Variants in RBFOX1 observed in about 807,000 individuals in gnomAD.
RBFOX1 encodes RNA binding fox-1 homolog 1, also known as RNA binding protein fox-1 homolog 1.
A neutral mutation model predicts 57.7 loss-of-function variants in RBFOX1; 8 were observed. The observed-to-expected ratio is 0.14, with a 90% CI of 0.08 to 0.25. The LOEUF is 0.25. Ranked by LOEUF, RBFOX1 falls within the 10% of genes least tolerant of loss-of-function variation. The probability of loss-of-function intolerance (pLI) is 1.00; values close to 1 mark genes in which losing one functional copy is unlikely to be tolerated. For synonymous variants in RBFOX1, 326 were observed against 222.4 expected, an observed-to-expected ratio of 1.47 and a Z score of -4.15; for missense variants, 611 against 548.5, an observed-to-expected ratio of 1.11 and a Z score of -1.14.
intron 4 of RBFOX1, among the ~76,000 whole-genome samples, chr16:7,305,372 C>G (rs1016985662): frequency 6.6e-6 from 1 of 152,098 alleles, no homozygotes; most frequent in African/African-American, 2.4e-5. Flanking sequence ...TGTAGGGTGA[C>G]AGGCCAGCTC....
intron 4 of RBFOX1, among the ~76,000 whole-genome samples, chr16:5,872,035 A>T (rs757067737): frequency 6.6e-6 from 1 of 152,162 alleles, no homozygotes; most frequent in Non-Finnish European, 1.5e-5. Flanking sequence ...TAGGCCTAGG[A>T]ATCATTTATT....
At chr16:6,175,299 C>A (rs546310593) in intron 1 of RBFOX1, among the ~76,000 whole-genome samples, 1 of 152,186 alleles carries the variant, frequency 6.6e-6, no homozygotes, top group South Asian at 2.1e-4. Flanking sequence ...ACACATTGTC[C>A]ACAAAAGATG....
Position 7,216,457 on chromosome 16 carries a change from C to G in RBFOX1, c.27+164359C>G, listed in dbSNP as rs548602740. On this transcript the variant is annotated intron_variant, in intron 4 of 15. Transcript: ENST00000550418. ...ATTGCTTGAGACCGAAAGTTCTAGA[C>G]CAGTCTGGGAGTCAGAGTGAGACCT... 3.9e-5 allele frequency among the ~76,000 whole-genome samples: 6 copies of G among 152,200 alleles called. No homozygotes were observed. The East Asian group carries it at 7.8e-4, about 20-fold the overall frequency.
intron 3 of RBFOX1, among the ~76,000 whole-genome samples, chr16:6,760,266 G>A (rs1049937829): frequency 6.6e-6 from 1 of 152,128 alleles, no homozygotes; most frequent in South Asian, 2.1e-4. Flanking sequence ...GGTTTAAAAA[G>A]GCAATTGCTT....
intron 1 of RBFOX1, among the ~76,000 whole-genome samples, chr16:6,292,312 A>T (rs73521157): frequency 0.14 from 20,673 of 151,882 alleles, 1,706 homozygotes; most frequent in Non-Finnish European, 0.17. Flanking sequence ...TCCCACATCC[A>T]ACTGTCTGGT....
intron 4 of RBFOX1, among the ~76,000 whole-genome samples, chr16:7,461,249 C>T (rs752563664): frequency 5.9e-5 from 9 of 151,952 alleles, no homozygotes; most frequent in Middle Eastern, 3.4e-3. Context: ...CTCACTGCAA[C>T]CTCCACCTCC....
chr16:5,483,911 TTGTGATCCCAGC>T lies in RBFOX1; in HGVS notation c.258+16658_258+16669del, dbSNP rs527813018. Reference sequence around the variant, plus strand: ...CAGGGCCATGCATGGTGGCTCATGCTTGTGATCCCAGCACTTTGAGAGGTAGAGGCAGGAGGA... The same window carrying T: ...CAGGGCCATGCATGGTGGCTCATGCTACTTTGAGAGGTAGAGGCAGGAGGA... On this transcript the variant is annotated intron_variant, in intron 2 of 2. Transcript: ENST00000585867. Among the ~76,000 whole-genome samples the T allele has an allele frequency of 6.6e-3, 1,005 of 152,254 alleles. 6 individuals carry two copies. Among genetic ancestry groups the T allele is most frequent in the Non-Finnish European group, 0.011 (744 of 68,014 alleles).
intron 4 of RBFOX1, among the ~76,000 whole-genome samples, chr16:7,250,116 C>T (rs543020476): frequency 4.6e-5 from 7 of 152,230 alleles, no homozygotes; most frequent in Non-Finnish European, 8.8e-5. Context: ...CTGGGAAAAT[C>T]TGCTTCTTCA....
intron 3 of RBFOX1, among the ~76,000 whole-genome samples, chr16:6,938,796 G>C (rs971665707): frequency 6.6e-6 from 1 of 152,122 alleles, no homozygotes; most frequent in African/African-American, 2.4e-5. Context: ...GCTGGGTGTG[G>C]TGGGTTGTGC....
intron 2 of RBFOX1, among the ~76,000 whole-genome samples, chr16:6,605,587 G>C (rs1045553426): frequency 2.0e-5 from 3 of 152,218 alleles, no homozygotes; most frequent in African/African-American, 7.2e-5. Flanking sequence ...ATTTTTACTT[G>C]TGCTGCTACT....
At chr16:6,968,212 G>A (rs1432780649) in intron 3 of RBFOX1, among the ~76,000 whole-genome samples, 1 of 152,200 alleles carries the variant, frequency 6.6e-6, no homozygotes, top group African/African-American at 2.4e-5. Context: ...CAGAGTGACT[G>A]ACAGGCTTTT....
chr16:5,704,954 G>T (rs2051188256), intron 3 of RBFOX1, among the ~76,000 whole-genome samples: 2 of 152,120 alleles, frequency 1.3e-5, no homozygotes, highest in Non-Finnish European at 2.9e-5. Context: ...TGAGGCAGTG[G>T]GAAAACCTGC....
chr16:6,170,738 C>T (rs2096954109), intron 1 of RBFOX1, among the ~76,000 whole-genome samples: 1 of 152,072 alleles, frequency 6.6e-6, no homozygotes, highest in African/African-American at 2.4e-5. Context: ...GCTTCTCTCC[C>T]TCCTCCCACC....
At chr16:7,254,732 C>G (rs1192187069) in intron 4 of RBFOX1, among the ~76,000 whole-genome samples, 1 of 152,074 alleles carries the variant, frequency 6.6e-6, no homozygotes, top group African/African-American at 2.4e-5. Context: ...TATCCTAAAA[C>G]TAAATTATAG....
chr16:5,447,166 C>T (rs1402163163), intron 1 of RBFOX1, among the ~76,000 whole-genome samples: 2 of 152,144 alleles, frequency 1.3e-5, no homozygotes, highest in East Asian at 3.9e-4. Flanking sequence ...CCACCCCCTC[C>T]CCACCTACAA....
chr16:5,445,297 C>G (rs916684941), intron 1 of RBFOX1, among the ~76,000 whole-genome samples: 1 of 152,142 alleles, frequency 6.6e-6, no homozygotes, highest in Admixed American at 6.5e-5. Context: ...ATCTTTCTGA[C>G]TTTTCCTCCT....
chr16:7,668,578 A>G (rs1261151900), intron 13 of RBFOX1, among the ~76,000 whole-genome samples: 1 of 152,096 alleles, frequency 6.6e-6, no homozygotes, highest in Non-Finnish European at 1.5e-5. Context: ...TTGGCTACTC[A>G]TCGGAGGTGA....
chr16:5,631,434 G>C (rs892500951), intron 3 of RBFOX1, among the ~76,000 whole-genome samples: 1 of 151,984 alleles, frequency 6.6e-6, no homozygotes, highest in African/African-American at 2.4e-5. Flanking sequence ...GCGGGTGCTT[G>C]TAGTCCCAGC....
intron 3 of RBFOX1, among the ~76,000 whole-genome samples, chr16:5,723,252 C>A (rs945684435): frequency 3.3e-5 from 5 of 152,176 alleles, no homozygotes; most frequent in Admixed American, 3.3e-4. Context: ...GTGACTGCTC[C>A]AAGGCAGGCA....
Sources: allele counts gnomAD v4.1 joint callset (sites outside exome capture counted in the v4.1 genomes callset), GRCh38; gene constraint gnomAD v4.1.1; transcripts MANE v1.5; gene names NCBI Gene and HGNC (gene_info 2026-07-23, HGNC 2026-07-21).